Variants in KAZN observed in about 807,000 individuals in gnomAD.
The protein encoded by KAZN is kazrin, periplakin interacting protein.
A neutral mutation model predicts 87.4 loss-of-function variants in KAZN; 40 were observed. The observed-to-expected ratio is 0.46, with a 90% CI of 0.36 to 0.60. The LOEUF (loss-of-function observed/expected upper bound fraction) is 0.60, where lower values mean the gene tolerates loss of function less well. Ranked by LOEUF, KAZN falls within the 20% of genes least tolerant of loss-of-function variation. KAZN has a pLI of 0.00. For synonymous variants in KAZN, 466 were observed against 458.3 expected (o/e 1.02, Z -0.22); for missense variants, 898 against 1,073.9 (o/e 0.84, Z 2.29).
At chr1:14,161,284 T>G in intron 1 of KAZN, among the ~76,000 whole-genome samples, 1 of 152,174 alleles carries the variant, frequency 6.6e-6, no homozygotes, top group East Asian at 1.9e-4. Context: ...GGGGCAGGAA[T>G]TGTGGAGTGG....
intron 1 of KAZN, among the ~76,000 whole-genome samples, chr1:14,837,771 T>G (rs1011301991): frequency 6.6e-6 from 1 of 151,972 alleles, no homozygotes; most frequent in South Asian, 2.1e-4. Flanking sequence ...CCCTGGCTGG[T>G]CTTGAACTCC....
chr1:14,924,877 G>A (rs1051500962), intron 1 of KAZN, among the ~76,000 whole-genome samples: 32 of 152,276 alleles, frequency 2.1e-4, no homozygotes, highest in African/African-American at 7.0e-4. Flanking sequence ...GCGTCTGCTG[G>A]GGGAAGCGTG....
chr1:14,635,535 T>C (rs562650019), intron 1 of KAZN, among the ~76,000 whole-genome samples: 8 of 152,208 alleles, frequency 5.3e-5, no homozygotes, highest in Non-Finnish European at 1.2e-4. Context: ...GTTCTACCTC[T>C]GTACTAACGC....
intron 1 of KAZN, among the ~76,000 whole-genome samples, chr1:14,715,496 A>G (rs1468785327): frequency 6.6e-6 from 1 of 152,216 alleles, no homozygotes; most frequent in East Asian, 1.9e-4. Flanking sequence ...GGCAGCGCAC[A>G]CATCATCCTC....
At chr1:13,941,510 C>T (rs1640926360) in intron 1 of KAZN, among the ~76,000 whole-genome samples, 1 of 152,142 alleles carries the variant, frequency 6.6e-6, no homozygotes. Flanking sequence ...CAAGTCAAGT[C>T]AGGGGTGGTG....
At position 14,864,773 on chromosome 1, in the gene KAZN, T is replaced by C. The variant is rs189665003; in HGVS notation, c.227-95911T>C. Among the ~76,000 whole-genome samples, 72 of 152,220 alleles carry C rather than the reference T, an allele frequency of 4.7e-4. 1 individual carries two copies. Among genetic ancestry groups the C allele is most frequent in the South Asian group, 4.4e-3 (21 of 4,818 alleles). ...CAGAGGACGGGCTCTGGATTCAGAT[T>C]GCTGGGGGCCTGTATCAGCGGCACC... On this transcript the variant is annotated intron_variant, in intron 1 of 14. Coordinates refer to ENST00000376030, the MANE Select transcript of KAZN (RefSeq NM_201628.3).
intron 2 of KAZN, among the ~76,000 whole-genome samples, chr1:14,202,999 A>G (rs1463462141): frequency 6.6e-6 from 1 of 152,146 alleles, no homozygotes; most frequent in Admixed American, 6.5e-5. Flanking sequence ...CCTGGGCGAC[A>G]AGAGCAAAAC....
intron 2 of KAZN, among the ~76,000 whole-genome samples, chr1:14,392,185 G>C (rs1336599069): frequency 6.6e-6 from 1 of 152,218 alleles, no homozygotes; most frequent in African/African-American, 2.4e-5. Context: ...GCTTCAAAGA[G>C]AGGCTTCCAG....
At chr1:14,358,390 A>G (rs1416634839) in intron 2 of KAZN, among the ~76,000 whole-genome samples, 1 of 148,330 alleles carries the variant, frequency 6.7e-6, no homozygotes, top group Non-Finnish European at 1.5e-5. Flanking sequence ...GGATTCATTG[A>G]GTTTTTAAAT....
chr1:15,112,473 A>G lies in KAZN; in HGVS notation c.2095A>G (p.Arg699Gly). 6.2e-7 allele frequency: 1 copy of G among 1,608,928 alleles called. No individual in the cohort carries two copies. The highest frequency in any genetic ancestry group is 8.5e-7 in the Non-Finnish European group (1 of 1,178,128). The change falls in exon 14 of 15, where the codon AGG (arginine) becomes GGG (glycine). Residue 699 changes from arginine (R) to glycine (G), a missense_variant. Physicochemically the swap from Arg to Gly is moderately radical, Grantham distance 125. Coordinates refer to ENST00000376030, the MANE Select transcript of KAZN (RefSeq NM_201628.3). ...EAERFGTPPG[R>G]ASSVTRAGKE... ...TGAGCGTTTTGGAACGCCCCCTGGC[A>G]GGGCCTCCAGCGTCACGCGGGCAGG...
chr1:14,284,033 T>C (rs1007399194), intron 2 of KAZN, among the ~76,000 whole-genome samples: 1 of 150,878 alleles, frequency 6.6e-6, no homozygotes, highest in African/African-American at 2.4e-5. Flanking sequence ...ATTCCACTTA[T>C]ACAAAATGTC....
rs74060157 is a variant in KAZN at position 15,019,269 on chromosome 1, C to G, written c.419-15480C>G. Among the ~76,000 whole-genome samples the G allele has an allele frequency of 9.2e-3, 1,406 of 152,324 alleles. 20 individuals are homozygous for G. The highest frequency in any genetic ancestry group is 0.032 in the African/African-American group (1,349 of 41,570). ...CCCAGCCTTGCTACACCAGGGACTG[C>G]CTACCTGGATATGATTAAGAGCAGG... On this transcript the variant is annotated intron_variant, in intron 2 of 14. Coordinates refer to ENST00000376030, the MANE Select transcript of KAZN (RefSeq NM_201628.3).
intron 2 of KAZN, among the ~76,000 whole-genome samples, chr1:14,478,988 G>T (rs2149502): frequency 0.034 from 5,204 of 152,346 alleles, 142 homozygotes; most frequent in Non-Finnish European, 0.05. Context: ...ATGGGCAACT[G>T]GGAGTTGAGA....
At position 15,003,834 on chromosome 1, in the gene KAZN, T is replaced by C. The variant is rs550736345; in HGVS notation, c.419-30915T>C. Among the ~76,000 whole-genome samples the C allele has an allele frequency of 2.6e-5, 4 of 152,196 alleles. No individual in the cohort carries two copies. In the East Asian group the frequency reaches 7.7e-4, roughly 29 times the overall value. ...AATGTCCCTGCCTGCTGTACCCCTC[T>C]CTTAGGTGGAGACCTGGGTTCAGCC... On this transcript the variant is annotated intron_variant, in intron 2 of 14. Transcript: ENST00000376030.
chr1:14,894,649 A>T (rs1380218611), intron 1 of KAZN, among the ~76,000 whole-genome samples: 1 of 152,218 alleles, frequency 6.6e-6, no homozygotes, highest in African/African-American at 2.4e-5. Context: ...AGTCCTTGCT[A>T]GACTCTAAGC....
intron 1 of KAZN, among the ~76,000 whole-genome samples, chr1:14,875,881 AG>A (rs1023108183): frequency 2.6e-5 from 4 of 152,208 alleles, no homozygotes; most frequent in African/African-American, 9.6e-5. Context: ...CTTTCCTGGA[AG>A]GGGGTAGATT....
At chr1:14,070,584 G>C (rs1643209981) in intron 1 of KAZN, among the ~76,000 whole-genome samples, 1 of 152,152 alleles carries the variant, frequency 6.6e-6, no homozygotes, top group East Asian at 1.9e-4. Context: ...CAGTGCTGTG[G>C]CCACCATTAT....
intron 1 of KAZN, among the ~76,000 whole-genome samples, chr1:13,967,793 C>T (rs989260259): frequency 5.3e-5 from 8 of 152,244 alleles, no homozygotes; most frequent in African/African-American, 1.9e-4. Context: ...AAGACCAGAG[C>T]GGGGCTTCAC....
chr1:14,689,143 C>T (rs1192812478), intron 1 of KAZN, among the ~76,000 whole-genome samples: 2 of 152,062 alleles, frequency 1.3e-5, no homozygotes, highest in African/African-American at 4.8e-5. Context: ...TGCAGTGAGC[C>T]GAGATCGTGC....
Sources: gnomAD v4.1 joint callset for allele counts (sites outside exome capture counted in the v4.1 genomes callset) on GRCh38, gnomAD v4.1.1 for gene constraint, MANE v1.5 for transcripts, NCBI Gene and HGNC (gene_info 2026-07-23, HGNC 2026-07-21) for gene names.